The following ADGRL3 variants were observed in gnomAD, a reference collection of about 807,000 sequenced individuals.
ADGRL3 encodes the protein calcium-independent alpha-latrotoxin receptor 3.
In ADGRL3, 62 loss-of-function variants were observed where a neutral mutation model predicts 153.5. The ratio of observed to expected loss-of-function variants is 0.40; its 90% CI spans 0.33 to 0.50. The LOEUF (loss-of-function observed/expected upper bound fraction) is 0.50. Ranked by LOEUF, ADGRL3 falls within the 20% of genes least tolerant of loss-of-function variation. ADGRL3 has a pLI of 0.47. For synonymous variants in ADGRL3, 710 were observed against 672.5 expected, an observed-to-expected ratio of 1.06 and a Z score of -0.86; for missense variants, 1,641 against 1,859.4, an observed-to-expected ratio of 0.88 and a Z score of 2.16.
intron 15 of ADGRL3, among the ~76,000 whole-genome samples, chr4:61,936,261 G>T (rs1366388664): frequency 1.3e-5 from 2 of 151,972 alleles, no homozygotes; most frequent in Non-Finnish European, 2.9e-5. Context: ...TTTGGAAATT[G>T]TTCCATTACT....
At chr4:61,710,046 A>C (rs1414800057) in intron 6 of ADGRL3, among the ~76,000 whole-genome samples, 1 of 152,154 alleles carries the variant, frequency 6.6e-6, no homozygotes, top group African/African-American at 2.4e-5. Flanking sequence ...TTATTTGTAA[A>C]ACTGGAATTA....
intron 2 of ADGRL3, among the ~76,000 whole-genome samples, chr4:61,478,635 A>T (rs977696144): frequency 1.3e-5 from 2 of 151,850 alleles, no homozygotes; most frequent in Admixed American, 1.3e-4. Flanking sequence ...CCAATATAGA[A>T]CTCTTTGACT....
At chr4:61,870,843 G>A (rs1377173973) in intron 9 of ADGRL3, among the ~76,000 whole-genome samples, 6 of 152,148 alleles carry the variant, frequency 3.9e-5, no homozygotes, top group African/African-American at 1.2e-4. Flanking sequence ...CACAGCTGGT[G>A]GGATTATTAA....
intron 5 of ADGRL3, among the ~76,000 whole-genome samples, chr4:61,634,304 A>C (rs4276313): frequency 0.029 from 4,444 of 152,276 alleles, 72 homozygotes; most frequent in Middle Eastern, 0.054. Context: ...TGAGAAGTAA[A>C]AACAGTGTAC....
chr4:61,325,953 G>C (rs773176255), intron 1 of ADGRL3, among the ~76,000 whole-genome samples: 3 of 152,108 alleles, frequency 2.0e-5, no homozygotes, highest in Non-Finnish European at 2.9e-5. Flanking sequence ...AGCGTATTAA[G>C]AAATATGGCA....
At position 61,653,855 on chromosome 4, in the gene ADGRL3, C is replaced by T. The variant is rs139400388; in HGVS notation, c.474-22971C>T. 2.1e-3 allele frequency among the ~76,000 whole-genome samples: 326 copies of T among 152,210 alleles called. 2 individuals are homozygous for T. Among genetic ancestry groups the T allele is most frequent in the African/African-American group, 7.4e-3 (308 of 41,528 alleles). On this transcript the variant is annotated intron_variant, in intron 5 of 26. Transcript: ENST00000683033. Reference sequence around the variant, plus strand: ...TGGGCGCACATGGGTCACATACCTGCGCAGATAGAGAATATGAATAAGTGA... The same window carrying T: ...TGGGCGCACATGGGTCACATACCTGTGCAGATAGAGAATATGAATAAGTGA...
rs78082006 is a variant in ADGRL3, at chr4:61,408,612, A to C, written c.-174+25423A>C. On this transcript the variant is annotated intron_variant, in intron 2 of 26. Transcript: ENST00000683033. Reference sequence around the variant, plus strand: ...CTTAAGCCTTGTGAAAATGTCCCCTACTTACCAATATTTAAATTGGAAATA... The same window carrying C: ...CTTAAGCCTTGTGAAAATGTCCCCTCCTTACCAATATTTAAATTGGAAATA... Among the ~76,000 whole-genome samples the C allele has an allele frequency of 4.9e-3, 739 of 152,068 alleles. 8 individuals are homozygous for C. The highest frequency in any genetic ancestry group is 0.017 in the African/African-American group (694 of 41,498).
chr4:61,519,515 G>A (rs1452707576), intron 4 of ADGRL3, among the ~76,000 whole-genome samples: 1 of 152,102 alleles, frequency 6.6e-6, no homozygotes, highest in Non-Finnish European at 1.5e-5. Context: ...AGTTGCTTTT[G>A]TGTGAAAGTA....
intron 9 of ADGRL3, among the ~76,000 whole-genome samples, chr4:61,839,522 A>G (rs955222947): frequency 6.6e-6 from 1 of 152,242 alleles, no homozygotes; most frequent in Non-Finnish European, 1.5e-5. Flanking sequence ...AAGAGGAAAA[A>G]AAAGTATACT....
chr4:61,741,521 G>A (rs2096580762), intron 8 of ADGRL3, among the ~76,000 whole-genome samples: 1 of 152,174 alleles, frequency 6.6e-6, no homozygotes. Context: ...GAAGGACATT[G>A]CTGCTGCTGA....
chr4:61,476,570 T>C (rs1024600694), intron 2 of ADGRL3, among the ~76,000 whole-genome samples: 5 of 151,080 alleles, frequency 3.3e-5, no homozygotes, highest in African/African-American at 1.2e-4. Context: ...GCCGGTATGG[T>C]GGCACATGCT....
chr4:61,760,113 C>G (rs1179674054), intron 8 of ADGRL3, among the ~76,000 whole-genome samples: 1 of 152,178 alleles, frequency 6.6e-6, no homozygotes, highest in Non-Finnish European at 1.5e-5. Context: ...GGGTCAGGGA[C>G]CCACTTGAGG....
At chr4:61,925,586 A>C (rs778771773) in intron 13 of ADGRL3, among the ~76,000 whole-genome samples, 1 of 152,112 alleles carries the variant, frequency 6.6e-6, no homozygotes, top group Non-Finnish European at 1.5e-5. Context: ...TACTCATGGA[A>C]GAAGGCAAAG....
intron 9 of ADGRL3, among the ~76,000 whole-genome samples, chr4:61,833,353 C>A (rs1194283048): frequency 1.6e-4 from 24 of 152,092 alleles, no homozygotes; most frequent in Admixed American, 1.6e-3. Context: ...AGGGGAATTG[C>A]AATAGAGAAA....
chr4:61,492,020 A>AAAAAC (rs1553944152), intron 2 of ADGRL3, among the ~76,000 whole-genome samples: 7 of 150,572 alleles, frequency 4.6e-5, no homozygotes, highest in East Asian at 2.0e-4. Flanking sequence ...AACAATGAAA[A>AAAAAC]AAACAAACAA....
At chr4:61,836,356 G>A (rs1328994014) in intron 9 of ADGRL3, among the ~76,000 whole-genome samples, 2 of 152,082 alleles carry the variant, frequency 1.3e-5, no homozygotes, top group East Asian at 3.9e-4. Flanking sequence ...AAAAATTATT[G>A]AAACATTGGA....
intron 4 of ADGRL3, among the ~76,000 whole-genome samples, chr4:61,544,280 T>G (rs2098703668): frequency 6.6e-6 from 1 of 152,218 alleles, no homozygotes; most frequent in African/African-American, 2.4e-5. Context: ...CTGAGAGACA[T>G]TAGGTGGTAT....
intron 8 of ADGRL3, among the ~76,000 whole-genome samples, chr4:61,762,448 G>A (rs1302612211): frequency 6.6e-6 from 1 of 152,092 alleles, no homozygotes; most frequent in Non-Finnish European, 1.5e-5. Context: ...AAATCACAAA[G>A]TTAGTTTTGA....
intron 2 of ADGRL3, among the ~76,000 whole-genome samples, chr4:61,434,855 A>T (rs548769817): frequency 6.6e-6 from 1 of 152,252 alleles, no homozygotes; most frequent in East Asian, 1.9e-4. Context: ...TTGTAAAATT[A>T]AAGATGTACA....
Sources: gnomAD v4.1 joint callset for allele counts (sites outside exome capture counted in the v4.1 genomes callset) on GRCh38, gnomAD v4.1.1 for gene constraint, MANE v1.5 for transcripts, NCBI Gene and HGNC (gene_info 2026-07-23, HGNC 2026-07-21) for gene names.